HDAC8: variants seen among roughly 807,000 people sequenced by gnomAD.
HDAC8 encodes the protein histone deacetylase-like 1.
HDAC8 carries 1 observed loss-of-function variant against 32.2 expected under a neutral mutation model. The ratio of observed to expected loss-of-function variants is 0.03; its 90% CI spans 0.01 to 0.15. HDAC8 has a LOEUF of 0.15. HDAC8 is among the 10% of genes least tolerant of loss of function. The probability of loss-of-function intolerance (pLI) is 1.00; values close to 1 mark genes in which losing one functional copy is unlikely to be tolerated. For missense variants in HDAC8, 117 were observed against 300.0 expected, an observed-to-expected ratio of 0.39 and a Z score of 4.51; for synonymous variants, 108 against 113.9, an observed-to-expected ratio of 0.95 and a Z score of 0.33.
At chrX:72,490,408 G>A (rs1217564966) in intron 6 of HDAC8, among the ~76,000 whole-genome samples, 2 of 107,748 alleles carry the variant, frequency 1.9e-5, no homozygotes, top group Non-Finnish European at 3.9e-5. Flanking sequence ...ATACACCATG[G>A]AATACTATGC....
intron 9 of HDAC8, among the ~76,000 whole-genome samples, chrX:72,381,211 A>G (rs1555959833): frequency 1.8e-5 from 2 of 112,141 alleles, no homozygotes; most frequent in African/African-American, 6.5e-5. Flanking sequence ...CCATTTTGCT[A>G]TACTACCTGT....
chrX:72,383,763 G>A (rs782812631), intron 9 of HDAC8, among the ~76,000 whole-genome samples: 3 of 108,083 alleles, frequency 2.8e-5, no homozygotes, highest in South Asian at 4.3e-4. Flanking sequence ...CCAGCTAGTC[G>A]GGAGGCTGAG....
At chrX:72,545,614 A>G (rs2050835641) in intron 4 of HDAC8, among the ~76,000 whole-genome samples, 1 of 111,898 alleles carries the variant, frequency 8.9e-6, no homozygotes, top group African/African-American at 3.3e-5. Flanking sequence ...GGCTAGTGGT[A>G]GGGATGCCAT....
intron 9 of HDAC8, among the ~76,000 whole-genome samples, chrX:72,395,034 T>C (rs1199838698): frequency 1.8e-5 from 2 of 111,171 alleles, no homozygotes; most frequent in Non-Finnish European, 3.8e-5. Context: ...ATAGTCCCTC[T>C]TGCCTTTAAA....
intron 7 of HDAC8, chrX:72,467,932 G>T: frequency 1.7e-6 from 2 of 1,168,887 alleles, no homozygotes; most frequent in Non-Finnish European, 2.3e-6. Flanking sequence ...ATAAAGGCAG[G>T]CAGGTGTTTC....
chrX:72,491,146 A>T, intron 5 of HDAC8, 140 bp from the exon 6 acceptor site: 1 of 425,167 alleles, frequency 2.4e-6, no homozygotes, highest in Non-Finnish European at 4.1e-6. Context: ...GAGGAATAAA[A>T]GTAATACGAA....
At chrX:72,377,885 G>A (rs1250560891) in intron 9 of HDAC8, among the ~76,000 whole-genome samples, 15 of 110,326 alleles carry the variant, frequency 1.4e-4, no homozygotes, top group African/African-American at 3.6e-4. Context: ...TTTGTTGCTC[G>A]ATTCCTCCAT....
chrX:72,491,368 G>A (rs1356745629), intron 5 of HDAC8, among the ~76,000 whole-genome samples: 1 of 112,092 alleles, frequency 8.9e-6, no homozygotes, highest in East Asian at 2.8e-4. Context: ...TTGAATAAGG[G>A]AAACTGGAAC....
At chrX:72,396,346 G>A (rs782329965) in intron 9 of HDAC8, among the ~76,000 whole-genome samples, 4 of 112,476 alleles carry the variant, frequency 3.6e-5, no homozygotes, top group African/African-American at 1.3e-4. Context: ...GAAGAGCCAT[G>A]TTGCTGTCTG....
intron 4 of HDAC8, among the ~76,000 whole-genome samples, chrX:72,551,643 AG>A (rs1556071782): frequency 9.0e-6 from 1 of 111,274 alleles, no homozygotes; most frequent in Non-Finnish European, 1.9e-5. Context: ...CCTCAGTGCC[AG>A]GCATACAGAA....
At chrX:72,478,525 A>G (rs1380166765) in intron 7 of HDAC8, among the ~76,000 whole-genome samples, 1 of 111,634 alleles carries the variant, frequency 9.0e-6, no homozygotes, top group Non-Finnish European at 1.9e-5. Context: ...TCACTATGCA[A>G]TGGCACTTGC....
intron 9 of HDAC8, among the ~76,000 whole-genome samples, chrX:72,445,980 A>G (rs2047378382): frequency 8.9e-6 from 1 of 112,401 alleles, no homozygotes; most frequent in Admixed American, 9.4e-5. Flanking sequence ...CAAAACCACA[A>G]TGAGATACAA....
intron 4 of HDAC8, among the ~76,000 whole-genome samples, chrX:72,517,945 A>T (rs1399119958): frequency 1.8e-5 from 2 of 111,720 alleles, no homozygotes; most frequent in Non-Finnish European, 3.8e-5. Flanking sequence ...TTTGATAGAG[A>T]TTGTGTTGAA....
intron 9 of HDAC8, among the ~76,000 whole-genome samples, chrX:72,352,230 C>T (rs2044202792): frequency 9.0e-6 from 1 of 111,026 alleles, no homozygotes; most frequent in Admixed American, 9.6e-5. Flanking sequence ...CAAAGGCCCT[C>T]CCCCAGTCCC....
At chrX:72,508,999 A>T (rs1298217703) in intron 4 of HDAC8, among the ~76,000 whole-genome samples, 1 of 111,575 alleles carries the variant, frequency 9.0e-6, no homozygotes, top group African/African-American at 3.3e-5. Context: ...CATCACCACA[A>T]TCTATGCCAC....
intron 9 of HDAC8, among the ~76,000 whole-genome samples, chrX:72,453,894 T>A (rs1210178367): frequency 8.9e-6 from 1 of 112,468 alleles, no homozygotes; most frequent in Non-Finnish European, 1.9e-5. Context: ...TGAAATAATA[T>A]CTTTGAAGTG....
In HDAC8 at chrX:72,371,275, T is replaced by C. The variant is rs147654136; in HGVS notation, c.1006-19437A>G. 6.8e-3 allele frequency among the ~76,000 whole-genome samples: 755 copies of C among 111,805 alleles called. 4 individuals are homozygous for C. The highest frequency in any genetic ancestry group is 0.024 in the African/African-American group (726 of 30,783). ...GGTACATGGGGGTTCATTATACTCT[T>C]CTCTCTGCTTTATTTATGTTTGAAA... On this transcript the variant is annotated intron_variant, in intron 9 of 10. Coordinates refer to ENST00000373573, the MANE Select transcript of HDAC8 (RefSeq NM_018486.3).
chrX:72,529,040 A>G (rs2050248179), intron 4 of HDAC8, among the ~76,000 whole-genome samples: 1 of 112,235 alleles, frequency 8.9e-6, no homozygotes, highest in Non-Finnish European at 1.9e-5. Context: ...ATTGGGAGCA[A>G]GAAAGCAACA....
chrX:72,358,813 C>T (rs1223129279), intron 9 of HDAC8, among the ~76,000 whole-genome samples: 1 of 111,725 alleles, frequency 9.0e-6, no homozygotes, highest in Admixed American at 9.5e-5. Flanking sequence ...AACTGTCCCA[C>T]CTCAGATCAT....
Sources: allele counts gnomAD v4.1 joint callset (sites outside exome capture counted in the v4.1 genomes callset), GRCh38; gene constraint gnomAD v4.1.1; transcripts MANE v1.5; gene names NCBI Gene and HGNC (gene_info 2026-07-23, HGNC 2026-07-21).